The following C19orf47 variants were observed in gnomAD, a reference collection of about 807,000 sequenced individuals.
The protein encoded by C19orf47 is chromosome 19 open reading frame 47, also known as uncharacterized protein C19orf47.
In C19orf47, 18 loss-of-function variants were observed where a neutral mutation model predicts 32.3. The observed-to-expected ratio is 0.56, with a 90% confidence interval of 0.39 to 0.83. The LOEUF (loss-of-function observed/expected upper bound fraction) is 0.83, where lower values mean the gene tolerates loss of function less well. Ranked by LOEUF, C19orf47 falls within the 40% of genes least tolerant of loss-of-function variation. The probability of loss-of-function intolerance (pLI) is 0.00; values close to 1 mark genes in which losing one functional copy is unlikely to be tolerated. For synonymous variants in C19orf47, 202 were observed against 211.1 expected (o/e 0.96, Z 0.37); for missense variants, 484 against 531.6 (o/e 0.91, Z 0.88).
At chr19:40,307,010 T>C in the C19orf47 span, among the ~76,000 whole-genome samples, 6 of 151,622 alleles carry the variant, frequency 4.0e-5, no homozygotes, top group Middle Eastern at 3.2e-3. Flanking sequence ...AGGATGGTCT[T>C]GATCTCCTGA....
At chr19:40,328,366 C>A in intron 6 of C19orf47, 47 bp downstream of exon 6, 1 of 1,603,808 alleles carries the variant, frequency 6.2e-7, no homozygotes, top group Non-Finnish European at 8.5e-7. Flanking sequence ...TCCTACCAAC[C>A]CACGTTCCCC....
chr19:40,326,214 T>A, intron 7 of C19orf47, 120 bp downstream of exon 7: 1 of 1,385,556 alleles, frequency 7.2e-7, no homozygotes. Flanking sequence ...GGCCTACGGC[T>A]CCTGCATCCC....
At chr19:40,315,425 C>T (rs142165589), downstream of C19orf47, among the ~76,000 whole-genome samples, 1,407 of 152,012 alleles carry the variant, frequency 9.3e-3, 7 homozygotes, top group Middle Eastern at 0.028. Context: ...GTGAGTACAT[C>T]GCTTGAGCTC....
intron 2 of C19orf47, among the ~76,000 whole-genome samples, chr19:40,339,492 C>T (rs537329202): frequency 1.3e-5 from 2 of 152,224 alleles, no homozygotes; most frequent in South Asian, 2.1e-4. Flanking sequence ...GATAAACACA[C>T]GGTGGTCACT....
At position 40,323,902 on chromosome 19, in the gene C19orf47, C is replaced by T. The variant is rs147204894; in HGVS notation, c.663+104G>A. 8.5e-3 allele frequency: 11,896 copies of T among 1,404,570 alleles called. 62 individuals carry two copies. The highest frequency in any genetic ancestry group is 9.8e-3 in the Non-Finnish European group (9,753 of 991,004). 87.0% of individuals were successfully genotyped at this position (1,404,570 alleles called of 1,614,324 possible). On this transcript the variant is annotated intron_variant, in intron 8 of 8. Transcript: ENST00000683109. ...ACTGAGGCTGGAAAGGCAGGTTAGA[C>T]GGCCCTGGGCCGAGTGAGGTTGAGA... is the stretch of plus-strand genomic sequence containing the variant.
intron 2 of C19orf47, among the ~76,000 whole-genome samples, chr19:40,337,428 G>C (rs895087489): frequency 1.3e-5 from 2 of 151,608 alleles, no homozygotes; most frequent in African/African-American, 4.9e-5. Flanking sequence ...TGGTGGGTGT[G>C]ACCCTCAAAC....
chr19:40,336,342 C>T lies in C19orf47; in HGVS notation c.85G>A (p.Ala29Thr). Residue 29 changes from alanine (A) to threonine (T), a missense_variant, in exon 3 of 9, where the codon GCC (alanine) becomes ACC (threonine). Physicochemically the swap from Ala to Thr is moderately conservative, Grantham distance 58. Transcript: ENST00000683109. ...CACCTATTATCCACAAACATCACGG[C>T]ATAATTGACGGCAGGTCCTGGAGGA... ...GIPPGPAVNY[A>T]VMFVDNRIQK... The T allele has an allele frequency of 6.2e-7, 1 of 1,614,190 alleles. No individual in the cohort carries two copies. The highest frequency in any genetic ancestry group is 8.5e-7 in the Non-Finnish European group (1 of 1,180,036).
At chr19:40,324,121 G>A (rs371427678) in intron 7 of C19orf47, 45 bp from the exon 8 acceptor site, 6 of 1,597,522 alleles carry the variant, frequency 3.8e-6, no homozygotes, top group African/African-American at 2.7e-5. Flanking sequence ...CGGTGGGCCA[G>A]GCCTAGGCTG....
chr19:40,334,616 C>T (rs1018217359), intron 4 of C19orf47, among the ~76,000 whole-genome samples: 11 of 151,788 alleles, frequency 7.2e-5, no homozygotes, highest in Non-Finnish European at 1.0e-4. Flanking sequence ...GGCATGGTGG[C>T]GCACGCCTGT....
upstream of C19orf47, chr19:40,348,401 C>G: frequency 1.4e-6 from 2 of 1,477,636 alleles, no homozygotes; most frequent in South Asian, 1.3e-5. Flanking sequence ...ACTCCTCCCC[C>G]GGCCCGGGCT....
At chr19:40,293,842 C>T in the C19orf47 span, among the ~76,000 whole-genome samples, 5 of 151,916 alleles carry the variant, frequency 3.3e-5, no homozygotes, top group African/African-American at 1.2e-4. Context: ...CAGGAGGGGC[C>T]GGGCGCAGCG....
the C19orf47 span, among the ~76,000 whole-genome samples, chr19:40,298,382 A>C: frequency 5.3e-5 from 8 of 152,256 alleles, no homozygotes; most frequent in East Asian, 7.7e-4. Context: ...ACTGATAACA[A>C]CACCCTTGGA....
the C19orf47 span, among the ~76,000 whole-genome samples, chr19:40,313,542 C>T: frequency 2.6e-5 from 4 of 152,304 alleles, no homozygotes; most frequent in Non-Finnish European, 5.9e-5. Context: ...CCAGTCTGGT[C>T]TGGAACTCCT....
the C19orf47 span, among the ~76,000 whole-genome samples, chr19:40,301,467 G>A: frequency 1.3e-5 from 2 of 149,662 alleles, no homozygotes; most frequent in Non-Finnish European, 3.0e-5. Flanking sequence ...TCAGCCTCCC[G>A]AGTAGCTGGG....
chr19:40,342,577 G>C (rs966227210), intron 1 of C19orf47: 7 of 152,414 alleles, frequency 4.6e-5, no homozygotes, highest in African/African-American at 1.4e-4. Context: ...GGGAGACAGA[G>C]AGTAAACAAG....
the C19orf47 span, among the ~76,000 whole-genome samples, chr19:40,297,030 T>A: frequency 2.0e-5 from 3 of 152,316 alleles, no homozygotes; most frequent in South Asian, 6.2e-4. Flanking sequence ...AGGAGATGAC[T>A]GTATGCCTAA....
the C19orf47 span, among the ~76,000 whole-genome samples, chr19:40,303,126 T>G: frequency 6.8e-6 from 1 of 146,040 alleles, no homozygotes; most frequent in African/African-American, 2.5e-5. Context: ...TACTTGGGAG[T>G]CTGAGGCAGG....
chr19:40,336,531 G>T, intron 2 of C19orf47, 124 bp from the exon 3 acceptor site: 1 of 803,340 alleles, frequency 1.2e-6, no homozygotes, highest in African/African-American at 1.7e-5. Flanking sequence ...TGCATGGAGT[G>T]CTCCACACAC....
chr19:40,348,253 T>G lies in C19orf47; in HGVS notation c.-34+71A>C, dbSNP rs10415745. 459 of 1,090,794 alleles carry G rather than the reference T, an allele frequency of 4.2e-4. 2 individuals carry two copies. In the African/African-American group the frequency reaches 7.1e-3, roughly 17 times the overall value. 67.6% of individuals were successfully genotyped at this position (1,090,794 alleles called of 1,614,324 possible). A position where few individuals can be genotyped will look rare whatever the true frequency, so the allele number is the denominator to read the frequency against. ...GCCGTACAACGGAGCCCGAACTGAG[T>G]CCAGACACCCGGACGCCACCCGTCC... On this transcript the variant is annotated intron_variant, in intron 1 of 8. Coordinates refer to ENST00000683109, the MANE Select transcript of C19orf47 (RefSeq NM_001256441.2).
Sources: gnomAD v4.1 joint callset for allele counts (sites outside exome capture counted in the v4.1 genomes callset) on GRCh38, gnomAD v4.1.1 for gene constraint, MANE v1.5 for transcripts, NCBI Gene and HGNC (gene_info 2026-07-23, HGNC 2026-07-21) for gene names.